Variants in KCNQ5 observed in about 807,000 individuals in gnomAD.
KCNQ5 encodes the protein potassium voltage-gated channel subfamily KQT member 5.
Under a neutral mutation model 98.2 loss-of-function variants are expected in KCNQ5, and 30 were observed. The ratio of observed to expected loss-of-function variants is 0.31; its 90% CI spans 0.23 to 0.41. The LOEUF (loss-of-function observed/expected upper bound fraction) is 0.41, where lower values mean the gene tolerates loss of function less well. Among genes scored for constraint, KCNQ5 ranks in the 10% least tolerant of loss-of-function variants. The pLI, the probability that KCNQ5 is intolerant of heterozygous loss-of-function variation, is 1.00. For synonymous variants in KCNQ5, 458 were observed against 449.4 expected (o/e 1.02, Z -0.24); for missense variants, 835 against 1,182.5 (o/e 0.71, Z 4.31).
chr6:73,034,860 T>TTA (rs1554200218), intron 2 of KCNQ5, among the ~76,000 whole-genome samples: 8 of 127,476 alleles, frequency 6.3e-5, no homozygotes, highest in South Asian at 2.7e-4. Context: ...TTTTTTTTTT[T>TTA]TTTGAGACAG....
intron 1 of KCNQ5, among the ~76,000 whole-genome samples, chr6:72,896,454 T>C (rs1342735100): frequency 6.6e-6 from 1 of 151,966 alleles, no homozygotes; most frequent in East Asian, 1.9e-4. Context: ...TACCTACTTG[T>C]AGTGGGTCTC....
chr6:72,849,115 T>TACACAC (rs57312980), intron 1 of KCNQ5, among the ~76,000 whole-genome samples: 13 of 147,382 alleles, frequency 8.8e-5, no homozygotes, highest in South Asian at 6.5e-4. Context: ...TATGTACACA[T>TACACAC]ACACACACAC....
rs373684047 is a variant in KCNQ5 at position 72,906,341 on chromosome 6, G to A, written c.399-97567G>A. 3.3e-5 allele frequency among the ~76,000 whole-genome samples: 5 copies of A among 152,222 alleles called. No individual in the cohort carries two copies. In the South Asian group the frequency reaches 1.0e-3, roughly 32 times the overall value. ...ACCTGCCTCCTAGCCGCAAAAGAAAGTAGGACATTAGTTCTTCCCCTGCCT... is the reference window on the plus strand; with the variant it reads ...ACCTGCCTCCTAGCCGCAAAAGAAAATAGGACATTAGTTCTTCCCCTGCCT... On this transcript the variant is annotated intron_variant, in intron 1 of 13. Transcript: ENST00000370398.
chr6:72,703,815 A>G (rs1196562199), intron 1 of KCNQ5, among the ~76,000 whole-genome samples: 2 of 152,226 alleles, frequency 1.3e-5, no homozygotes, highest in African/African-American at 4.8e-5. Context: ...GTAATTACCT[A>G]GGATGAAGAC....
intron 1 of KCNQ5, among the ~76,000 whole-genome samples, chr6:72,856,471 T>TACACACACAC (rs3035183): frequency 1.9e-4 from 28 of 148,912 alleles, no homozygotes; most frequent in African/African-American, 7.4e-5. Flanking sequence ...CACACATATA[T>TACACACACAC]ACACACACAC....
rs554629248 is a variant in KCNQ5 at position 73,133,751 on chromosome 6, C to G, written c.1468+110C>G. ...ACTTGAAGAAAGAAGAAAACAACCC[C>G]AGAGAAAGAATTGTTTGTTTGTTTT... On this transcript the variant is annotated intron_variant, in intron 10 of 13. Coordinates refer to ENST00000370398, the MANE Select transcript of KCNQ5 (RefSeq NM_019842.4). 33 of 927,896 alleles carry G rather than the reference C, an allele frequency of 3.6e-5. No individual in the cohort carries two copies. In the South Asian group the frequency reaches 5.1e-4, roughly 14 times the overall value. 57.5% of individuals were successfully genotyped at this position (927,896 alleles called of 1,614,324 possible).
intron 1 of KCNQ5, among the ~76,000 whole-genome samples, chr6:72,847,783 G>A (rs1220648009): frequency 6.6e-6 from 1 of 152,142 alleles, no homozygotes; most frequent in Non-Finnish European, 1.5e-5. Flanking sequence ...GGAAAAAGCA[G>A]ACTAAGACAT....
At chr6:72,808,091 C>G (rs1775042572) in intron 1 of KCNQ5, among the ~76,000 whole-genome samples, 1 of 152,110 alleles carries the variant, frequency 6.6e-6, no homozygotes, top group Non-Finnish European at 1.5e-5. Context: ...ATGGGGAGTT[C>G]ACTAGGGGCA....
chr6:73,166,455 G>A (rs1193306744), intron 10 of KCNQ5, among the ~76,000 whole-genome samples: 3 of 125,962 alleles, frequency 2.4e-5, no homozygotes, highest in East Asian at 2.3e-4. Context: ...AAAAAAAACC[G>A]CTTCATGGGG....
intron 1 of KCNQ5, among the ~76,000 whole-genome samples, chr6:72,941,710 T>C (rs866620827): frequency 2.6e-4 from 7 of 27,432 alleles, no homozygotes; most frequent in Admixed American, 5.1e-4. Context: ...CTTTCTTTCT[T>C]TCTTTCTTTC....
chr6:72,845,933 C>T (rs1776999510), intron 1 of KCNQ5, among the ~76,000 whole-genome samples: 1 of 152,058 alleles, frequency 6.6e-6, no homozygotes, highest in Non-Finnish European at 1.5e-5. Flanking sequence ...CTCACTGAAT[C>T]CCCACTGCTA....
intron 1 of KCNQ5, among the ~76,000 whole-genome samples, chr6:72,726,861 A>G (rs929303762): frequency 1.3e-5 from 2 of 152,174 alleles, no homozygotes; most frequent in Non-Finnish European, 2.9e-5. Context: ...ATTGTTTTAG[A>G]GATGGGGTCT....
At chr6:72,657,377 A>G (rs1328191073) in intron 1 of KCNQ5, among the ~76,000 whole-genome samples, 3 of 152,214 alleles carry the variant, frequency 2.0e-5, no homozygotes, top group Non-Finnish European at 4.4e-5. Context: ...GATTTTCCAT[A>G]TGTAAGAGAA....
chr6:73,192,524 A>T (rs748785525), intron 12 of KCNQ5, 41 bp from the exon 13 acceptor site: 10 of 1,538,342 alleles, frequency 6.5e-6, no homozygotes, highest in Non-Finnish European at 8.8e-6. Flanking sequence ...GGCAATCTCC[A>T]CCTTCAGCCC....
intron 1 of KCNQ5, among the ~76,000 whole-genome samples, chr6:72,880,056 A>G: frequency 6.6e-6 from 1 of 152,106 alleles, no homozygotes; most frequent in Non-Finnish European, 1.5e-5. Context: ...TACTCTCCAT[A>G]TGATAATCAA....
At chr6:72,734,091 T>C (rs113035606) in intron 1 of KCNQ5, among the ~76,000 whole-genome samples, 11 of 152,282 alleles carry the variant, frequency 7.2e-5, no homozygotes, top group Non-Finnish European at 1.3e-4. Context: ...CATGGTTAAT[T>C]GTGTGGGATG....
chr6:73,192,662 C>A lies in KCNQ5; in HGVS notation c.1807C>A (p.Leu603Ile), dbSNP rs149229948. ...EHETTDDLSM[L>I]GRVVKVEKQV... Reference sequence around the variant, plus strand: ...TGAGACCACAGACGATCTCAGTATGCTCGGTCGGGTGGTCAAGGTTGAAAA... The same window carrying A: ...TGAGACCACAGACGATCTCAGTATGATCGGTCGGGTGGTCAAGGTTGAAAA... Residue 603 changes from leucine to isoleucine, a missense_variant, in exon 13 of 14, where the codon CTC becomes ATC. By Grantham distance (5) the Leu-to-Ile change is conservative. Transcript: ENST00000370398. The A allele has an allele frequency of 6.2e-7, 1 of 1,605,440 alleles. No homozygotes were observed. The highest frequency in any genetic ancestry group is 2.2e-5 in the East Asian group (1 of 44,474).
chr6:72,962,238 C>CACATATATATATACACACATATATATAT (rs1767408567), intron 1 of KCNQ5, among the ~76,000 whole-genome samples: 3 of 132,940 alleles, frequency 2.3e-5, no homozygotes, highest in Non-Finnish European at 4.9e-5. Context: ...TATATATATA[C>CACATATATATATACACACATATATATAT]ACATATATAT....
At chr6:72,674,326 G>C (rs1767295050) in intron 1 of KCNQ5, among the ~76,000 whole-genome samples, 1 of 151,966 alleles carries the variant, frequency 6.6e-6, no homozygotes, top group South Asian at 2.1e-4. Flanking sequence ...ATGCTAAATG[G>C]AGATCCTTAA....
Sources: gnomAD v4.1 joint callset for allele counts (sites outside exome capture counted in the v4.1 genomes callset) on GRCh38, gnomAD v4.1.1 for gene constraint, MANE v1.5 for transcripts, NCBI Gene and HGNC (gene_info 2026-07-23, HGNC 2026-07-21) for gene names.